SGCD: variants seen among roughly 807,000 people sequenced by gnomAD.
The protein encoded by SGCD is sarcoglycan delta.
SGCD carries 18 observed loss-of-function variants against 36.6 expected under a neutral mutation model. The observed-to-expected ratio is 0.49, with a 90% CI of 0.34 to 0.73. The LOEUF is 0.73. Among genes scored for constraint, SGCD ranks in the 30% least tolerant of loss-of-function variants. SGCD has a pLI of 0.01. For missense variants in SGCD, 387 were observed against 346.7 expected (o/e 1.12, Z -0.92); for synonymous variants, 133 against 130.6 (o/e 1.02, Z -0.12).
At chr5:156,579,226 G>A (rs60417300) in intron 4 of SGCD, among the ~76,000 whole-genome samples, 2 of 152,292 alleles carry the variant, frequency 1.3e-5, no homozygotes, top group East Asian at 3.9e-4. Context: ...GTGGTTTTGA[G>A]TGTGTTTCTT....
chr5:156,308,433 G>T (rs1460129363), intron 3 of SGCD, among the ~76,000 whole-genome samples: 1 of 152,086 alleles, frequency 6.6e-6, no homozygotes, highest in Non-Finnish European at 1.5e-5. Flanking sequence ...CGAGTAGCTG[G>T]GACTACAGGT....
intron 3 of SGCD, among the ~76,000 whole-genome samples, chr5:156,357,663 G>C (rs145217741): frequency 1.6e-3 from 244 of 152,280 alleles, no homozygotes; most frequent in African/African-American, 5.5e-3. Flanking sequence ...GCTTCACTCA[G>C]TTACATGTAA....
chr5:156,291,199 T>G (rs998993813), intron 3 of SGCD, among the ~76,000 whole-genome samples: 1 of 152,122 alleles, frequency 6.6e-6, no homozygotes, highest in South Asian at 2.1e-4. Flanking sequence ...GTAGGATGAC[T>G]GTACTTAGCA....
At position 156,589,314 on chromosome 5, in the gene SGCD, A is replaced by G. The variant is rs771827103; in HGVS notation, c.378A>G (p.Ile126Met). The change falls in exon 5 of 9, where the codon ATA (isoleucine) becomes ATG (methionine). Residue 126 changes from isoleucine to methionine, a missense_variant. Ile to Met is a conservative substitution (Grantham distance 10). Transcript: ENST00000337851. ...AGACTAAAGTGCTAACTCAGCTTAT[A>G]ACAGGTAAGAAAAGGGAGAACTTAA... ...NDQTKVLTQL[I>M]TGPKAVEAYG... is the part of the protein sequence containing the mutation. The G allele has an allele frequency of 1.3e-6, 2 of 1,555,336 alleles. No homozygotes were observed. The highest frequency in any genetic ancestry group is 2.3e-5 in the East Asian group (1 of 43,030).
At chr5:155,853,961 G>A in the SGCD span, among the ~76,000 whole-genome samples, 1 of 152,112 alleles carries the variant, frequency 6.6e-6, no homozygotes, top group South Asian at 2.1e-4. Context: ...ATTTATAGTA[G>A]GGATGGTTAC....
At chr5:156,731,090 G>C (rs1756037180) in intron 7 of SGCD, among the ~76,000 whole-genome samples, 1 of 151,884 alleles carries the variant, frequency 6.6e-6, no homozygotes, top group Non-Finnish European at 1.5e-5. Context: ...CTTTTAACGA[G>C]GTTTTTTTGC....
intron 4 of SGCD, among the ~76,000 whole-genome samples, chr5:156,572,861 G>A (rs1759778378): frequency 1.3e-5 from 2 of 152,106 alleles, no homozygotes; most frequent in Admixed American, 6.5e-5. Flanking sequence ...TTTCCTGTGA[G>A]AATTGACCTT....
At chr5:156,599,494 C>T (rs1026296535) in intron 6 of SGCD, among the ~76,000 whole-genome samples, 30 of 152,204 alleles carry the variant, frequency 2.0e-4, no homozygotes, top group African/African-American at 6.3e-4. Context: ...GCAGTAGAGA[C>T]CTAAAAACAT....
Position 156,757,621 on chromosome 5 carries a change from A to G in SGCD, c.616A>G (p.Lys206Glu), listed in dbSNP as rs1327580871. The change falls in exon 8 of 9, where the codon AAA becomes GAA. Residue 206 changes from lysine to glutamate, a missense_variant. Physicochemically the swap from Lys to Glu is moderately conservative, Grantham distance 56. Coordinates refer to ENST00000337851, the MANE Select transcript of SGCD (RefSeq NM_000337.6). ...CCGGTCTCTAGTGATGGAGGCCCCA[A>G]AAGGAGTGGAAATCAATGCAGAAGC... ...PTRSLVMEAP[K>E]GVEINAEAGN... 3 of 1,611,784 alleles carry G rather than the reference A, an allele frequency of 1.9e-6. No homozygotes were observed. The highest frequency in any genetic ancestry group is 2.5e-6 in the Non-Finnish European group (3 of 1,178,996).
At chr5:156,142,506 G>T (rs564314658) in intron 3 of SGCD, among the ~76,000 whole-genome samples, 1 of 152,328 alleles carries the variant, frequency 6.6e-6, no homozygotes, top group East Asian at 1.9e-4. Context: ...ACATCCTAGA[G>T]ACTTATTAAG....
chr5:156,299,475 G>C (rs555385663), intron 3 of SGCD, among the ~76,000 whole-genome samples: 1 of 151,944 alleles, frequency 6.6e-6, no homozygotes, highest in African/African-American at 2.4e-5. Context: ...GAAGAATGTC[G>C]TTGGTATTTT....
At chr5:156,487,152 A>T (rs2127845258) in intron 3 of SGCD, among the ~76,000 whole-genome samples, 1 of 152,312 alleles carries the variant, frequency 6.6e-6, no homozygotes, top group South Asian at 2.1e-4. Context: ...GACTAGTGCA[A>T]CTGGGATCCC....
chr5:156,348,328 C>T (rs1197399387), intron 3 of SGCD, among the ~76,000 whole-genome samples: 4 of 151,884 alleles, frequency 2.6e-5, no homozygotes, highest in Non-Finnish European at 5.9e-5. Context: ...CTCTGTTTGC[C>T]GATTACATGA....
intron 1 of SGCD, among the ~76,000 whole-genome samples, chr5:156,020,924 T>G (rs1029246277): frequency 4.6e-5 from 7 of 152,228 alleles, no homozygotes; most frequent in Non-Finnish European, 1.0e-4. Context: ...AGATATTTAT[T>G]GAGTGATTAT....
chr5:156,163,037 A>T (rs182561115), intron 3 of SGCD, among the ~76,000 whole-genome samples: 69 of 151,610 alleles, frequency 4.6e-4, no homozygotes, highest in Non-Finnish European at 8.2e-4. Context: ...AATGTAGCCC[A>T]GCTTCTCTCT....
chr5:156,442,974 A>C (rs1753562156), intron 3 of SGCD, among the ~76,000 whole-genome samples: 2 of 152,072 alleles, frequency 1.3e-5, no homozygotes, highest in African/African-American at 4.8e-5. Context: ...TGTATATATT[A>C]ATGCATGTAG....
At chr5:155,799,396 AT>A in the SGCD span, among the ~76,000 whole-genome samples, 3,196 of 124,608 alleles carry the variant, frequency 0.026, 81 homozygotes, top group African/African-American at 0.086. Context: ...CAATGACTTT[AT>A]TTTTTTTTTT....
At chr5:155,910,711 A>G (rs1272087605) in intron 1 of SGCD, among the ~76,000 whole-genome samples, 2 of 152,250 alleles carry the variant, frequency 1.3e-5, no homozygotes, top group East Asian at 3.9e-4. Context: ...AAAGGAATAA[A>G]TGGTAACTAA....
intron 3 of SGCD, among the ~76,000 whole-genome samples, chr5:156,406,803 TATATATATATATATATACACACACAC>T (rs1443194456): frequency 1.3e-5 from 1 of 74,318 alleles, no homozygotes; most frequent in African/African-American, 7.8e-5. Flanking sequence ...TATATATATA[TATATATATATATATATACACACACAC>T]ACACACACAC....
Sources: gnomAD v4.1 joint callset for allele counts (sites outside exome capture counted in the v4.1 genomes callset) on GRCh38, gnomAD v4.1.1 for gene constraint, MANE v1.5 for transcripts, NCBI Gene and HGNC (gene_info 2026-07-23, HGNC 2026-07-21) for gene names.